SLC35F1: variants seen among roughly 807,000 people sequenced by gnomAD.
SLC35F1 encodes solute carrier family 35 member F1, also known as chromosome 6 open reading frame 169.
In SLC35F1, 14 loss-of-function variants were observed where a neutral mutation model predicts 48.7. The ratio of observed to expected loss-of-function variants is 0.29; its 90% CI spans 0.19 to 0.45. The LOEUF is 0.45. Among genes scored for constraint, SLC35F1 ranks in the 20% least tolerant of loss-of-function variants. SLC35F1 has a pLI of 1.00. For missense variants in SLC35F1, 404 were observed against 500.0 expected, an observed-to-expected ratio of 0.81 and a Z score of 1.83; for synonymous variants, 190 against 202.2, an observed-to-expected ratio of 0.94 and a Z score of 0.51.
At chr6:118,298,753 A>T (rs1776222550) in intron 7 of SLC35F1, among the ~76,000 whole-genome samples, 1 of 152,152 alleles carries the variant, frequency 6.6e-6, no homozygotes, top group Non-Finnish European at 1.5e-5. Context: ...CCCTTGACTA[A>T]CTTTTCAAAA....
intron 1 of SLC35F1, among the ~76,000 whole-genome samples, chr6:117,976,130 C>G (rs1224201499): frequency 6.6e-6 from 1 of 152,174 alleles, no homozygotes; most frequent in East Asian, 1.9e-4. Flanking sequence ...GTGTGATCTT[C>G]TTTGTCTAGT....
intron 1 of SLC35F1, among the ~76,000 whole-genome samples, chr6:117,988,006 C>T (rs907983148): frequency 1.3e-5 from 2 of 152,118 alleles, no homozygotes; most frequent in Non-Finnish European, 2.9e-5. Context: ...GATGACCAGG[C>T]TTTCTAGCTC....
intron 2 of SLC35F1, among the ~76,000 whole-genome samples, chr6:118,230,991 C>A (rs1775285823): frequency 6.6e-6 from 1 of 151,946 alleles, no homozygotes; most frequent in African/African-American, 2.4e-5. Flanking sequence ...ACACCCCCCA[C>A]AAACAAAAAC....
chr6:118,303,228 C>T (rs902350519), intron 7 of SLC35F1, among the ~76,000 whole-genome samples: 2 of 152,080 alleles, frequency 1.3e-5, no homozygotes, highest in African/African-American at 4.8e-5. Flanking sequence ...TTGTTCATTG[C>T]TATAAATTGA....
intron 3 of SLC35F1, among the ~76,000 whole-genome samples, chr6:118,241,455 A>G (rs976687304): frequency 5.9e-5 from 9 of 152,232 alleles, no homozygotes; most frequent in African/African-American, 2.2e-4. Context: ...TTGTAAAAAT[A>G]TAAGATCCTT....
At chr6:118,312,224 G>A (rs1776380136) in intron 7 of SLC35F1, among the ~76,000 whole-genome samples, 1 of 152,178 alleles carries the variant, frequency 6.6e-6, no homozygotes, top group Non-Finnish European at 1.5e-5. Flanking sequence ...CGTATGGGTG[G>A]AGTTTTGAAA....
chr6:117,908,153 C>A (rs1039468223), intron 1 of SLC35F1, among the ~76,000 whole-genome samples: 2 of 152,084 alleles, frequency 1.3e-5, no homozygotes, highest in Non-Finnish European at 2.9e-5. Flanking sequence ...CGGGGTTTTT[C>A]GTACCTAGCC....
chr6:118,207,766 C>G (rs1215950145), intron 2 of SLC35F1, among the ~76,000 whole-genome samples: 1 of 152,174 alleles, frequency 6.6e-6, no homozygotes, highest in Admixed American at 6.5e-5. Flanking sequence ...CGGCCCTCCC[C>G]CTCATCTAAA....
At chr6:118,123,075 T>G (rs1773576219) in intron 1 of SLC35F1, among the ~76,000 whole-genome samples, 1 of 151,392 alleles carries the variant, frequency 6.6e-6, no homozygotes, top group Non-Finnish European at 1.5e-5. Flanking sequence ...AGTTGGTAGT[T>G]TGAATAGTAT....
chr6:118,213,638 C>A (rs755162368), intron 2 of SLC35F1, among the ~76,000 whole-genome samples: 7 of 152,036 alleles, frequency 4.6e-5, no homozygotes, highest in Non-Finnish European at 8.8e-5. Context: ...AAAAACGAGG[C>A]AGACTTATTT....
intron 1 of SLC35F1, among the ~76,000 whole-genome samples, chr6:117,952,635 A>G (rs1231503378): frequency 6.6e-6 from 1 of 152,186 alleles, no homozygotes; most frequent in Non-Finnish European, 1.5e-5. Flanking sequence ...CCCGTGGTGT[A>G]CATCAAACTC....
At chr6:118,009,937 A>G (rs979683967) in intron 1 of SLC35F1, among the ~76,000 whole-genome samples, 7 of 152,148 alleles carry the variant, frequency 4.6e-5, no homozygotes, top group Non-Finnish European at 1.0e-4. Flanking sequence ...GTTAGCTTAC[A>G]AGGAAATTTG....
intron 1 of SLC35F1, among the ~76,000 whole-genome samples, chr6:117,956,516 C>T (rs1171681046): frequency 2.0e-5 from 3 of 152,166 alleles, no homozygotes; most frequent in East Asian, 1.9e-4. Flanking sequence ...CTAGGCAACG[C>T]GGGGACAGTG....
chr6:118,278,179 A>G (rs1430454570), intron 6 of SLC35F1, among the ~76,000 whole-genome samples: 1 of 152,244 alleles, frequency 6.6e-6, no homozygotes, highest in Admixed American at 6.5e-5. Flanking sequence ...ATCCTAGGAC[A>G]TGCTGTAATG....
chr6:117,951,380 G>T (rs767024870), intron 1 of SLC35F1, among the ~76,000 whole-genome samples: 23 of 152,180 alleles, frequency 1.5e-4, no homozygotes, highest in Non-Finnish European at 3.1e-4. Flanking sequence ...ACATAAAACT[G>T]TCTTGGAGAT....
intron 1 of SLC35F1, among the ~76,000 whole-genome samples, chr6:117,995,740 C>A (rs986094309): frequency 6.7e-6 from 1 of 149,036 alleles, no homozygotes; most frequent in East Asian, 1.9e-4. Context: ...GACTCTGTCT[C>A]GAAAAAATAA....
In SLC35F1 at chr6:118,077,140, T is replaced by A. The variant is rs6907740; in HGVS notation, c.174-77305T>A. On this transcript the variant is annotated intron_variant, in intron 1 of 7. Transcript: ENST00000360388. Reference sequence around the variant, plus strand: ...AGAAAGCATTGACTTGTCCTTCATTTTAAACAGACAACAATACTAGCAAGA... The same window carrying A: ...AGAAAGCATTGACTTGTCCTTCATTATAAACAGACAACAATACTAGCAAGA... Among the ~76,000 whole-genome samples the A allele has an allele frequency of 3.5e-3, 539 of 152,346 alleles. 2 individuals are homozygous for A. Among genetic ancestry groups the A allele is most frequent in the African/African-American group, 0.011 (476 of 41,576 alleles).
chr6:117,911,745 C>T (rs568189559), intron 1 of SLC35F1, among the ~76,000 whole-genome samples: 27 of 152,164 alleles, frequency 1.8e-4, no homozygotes, highest in Non-Finnish European at 2.9e-4. Context: ...TGTGCCTGGC[C>T]TTCCCTTATT....
intron 1 of SLC35F1, among the ~76,000 whole-genome samples, chr6:118,136,781 C>G (rs1050684446): frequency 2.6e-5 from 4 of 152,154 alleles, no homozygotes; most frequent in Non-Finnish European, 4.4e-5. Flanking sequence ...ACTAGTGCCT[C>G]TCATCTCTCT....
Sources: gnomAD v4.1 joint callset for allele counts (sites outside exome capture counted in the v4.1 genomes callset) on GRCh38, gnomAD v4.1.1 for gene constraint, MANE v1.5 for transcripts, NCBI Gene and HGNC (gene_info 2026-07-23, HGNC 2026-07-21) for gene names.